CRB1: variants seen among roughly 807,000 people sequenced by gnomAD.
CRB1 encodes the protein crumbs cell polarity complex component 1.
A neutral mutation model predicts 120.0 loss-of-function variants in CRB1; 83 were observed. The observed-to-expected ratio is 0.69, with a 90% CI of 0.58 to 0.83. CRB1 has a LOEUF of 0.83. Among genes scored for constraint, CRB1 ranks in the 40% least tolerant of loss-of-function variants. The pLI is 0.00. For synonymous variants in CRB1, 625 were observed against 612.5 expected, an observed-to-expected ratio of 1.02 and a Z score of -0.30; for missense variants, 1,699 against 1,687.6, an observed-to-expected ratio of 1.01 and a Z score of -0.12.
chr1:197,427,690 A>C lies in CRB1; in HGVS notation c.2365A>C (p.Asn789His), dbSNP rs781053993. Residue 789 changes from asparagine (N) to histidine (H), a missense_variant, in exon 7 of 12, where the codon AAT (asparagine) becomes CAT (histidine). Asn to His is a moderately conservative substitution (Grantham distance 68). Transcript: ENST00000367400. ...SPKLVVKFVLNDGNVHLISLK... is the reference protein window; with the variant it reads ...SPKLVVKFVLHDGNVHLISLK... Reference sequence around the variant, plus strand: ...CAAATTAGTAGTAAAATTTGTTCTTAATGATGGAAATGTCCACTTGATATC... The same window carrying C: ...CAAATTAGTAGTAAAATTTGTTCTTCATGATGGAAATGTCCACTTGATATC... The C allele has an allele frequency of 1.2e-6, 2 of 1,613,884 alleles. No homozygotes were observed. The highest frequency in any genetic ancestry group is 2.2e-5 in the South Asian group (2 of 91,078).
intron 3 of CRB1, among the ~76,000 whole-genome samples, chr1:197,346,535 CA>C (rs1315282400): frequency 2.0e-5 from 3 of 152,152 alleles, no homozygotes; most frequent in East Asian, 3.9e-4. Context: ...TAAAAACACA[CA>C]CAGCCATAGC....
chr1:197,270,083 T>C (rs963476619), intron 1 of CRB1, among the ~76,000 whole-genome samples: 1 of 152,182 alleles, frequency 6.6e-6, no homozygotes, highest in Non-Finnish European at 1.5e-5. Flanking sequence ...TAGCTGAGTT[T>C]TTTTCCCACC....
intron 5 of CRB1, among the ~76,000 whole-genome samples, chr1:197,387,304 T>C (rs1193651232): frequency 1.3e-5 from 2 of 152,102 alleles, no homozygotes; most frequent in South Asian, 2.1e-4. Context: ...AGCTACATTA[T>C]GTTAATAAAG....
At chr1:197,225,577 G>GT in the CRB1 span, among the ~76,000 whole-genome samples, 1 of 152,212 alleles carries the variant, frequency 6.6e-6, no homozygotes, top group African/African-American at 2.4e-5. Context: ...AATGTTAAGT[G>GT]TAAGTGTTGT....
rs531363383 is a variant in CRB1 at position 197,468,715 on chromosome 1, C to T, written c.4006-8949C>T. 1.5e-4 allele frequency among the ~76,000 whole-genome samples: 23 copies of T among 152,238 alleles called. 1 individual carries two copies. The South Asian group carries it at 1.7e-3, about 11-fold the overall frequency. On this transcript the variant is annotated intron_variant, in intron 11 of 11. Transcript: ENST00000367400. ...ATTGAACAACAGCTACACATTCATG[C>T]GCATATGTTATGCCAGGCAGGCCTA...
chr1:197,373,945 A>T (rs983954480), intron 5 of CRB1, among the ~76,000 whole-genome samples: 1 of 152,226 alleles, frequency 6.6e-6, no homozygotes, highest in Admixed American at 6.5e-5. Context: ...TTAGCAAGGC[A>T]CCAATGGTAG....
intron 11 of CRB1, among the ~76,000 whole-genome samples, chr1:197,477,271 C>T (rs779110770): frequency 6.6e-6 from 1 of 152,112 alleles, no homozygotes; most frequent in South Asian, 2.1e-4. Context: ...TTCTTCAGTC[C>T]CAAATTAGAA....
intron 8 of CRB1, among the ~76,000 whole-genome samples, chr1:197,430,879 G>A (rs1013035792): frequency 1.3e-5 from 2 of 151,678 alleles, no homozygotes; most frequent in Non-Finnish European, 2.9e-5. Context: ...AACTGCTGTG[G>A]ACATTAAGTA....
At chr1:197,424,555 G>A (rs1485851120) in intron 6 of CRB1, among the ~76,000 whole-genome samples, 1 of 152,096 alleles carries the variant, frequency 6.6e-6, no homozygotes, top group African/African-American at 2.4e-5. Flanking sequence ...TGTGATGTCT[G>A]TATGTGCTGG....
At chr1:197,317,797 A>T (rs1657942778) in intron 1 of CRB1, among the ~76,000 whole-genome samples, 6 of 152,242 alleles carry the variant, frequency 3.9e-5, no homozygotes, top group Admixed American at 3.9e-4. Flanking sequence ...ATGCACATGC[A>T]GAACAATGAA....
chr1:197,263,207 A>G (rs1654553305), upstream of CRB1, among the ~76,000 whole-genome samples: 1 of 151,986 alleles, frequency 6.6e-6, no homozygotes, highest in Non-Finnish European at 1.5e-5. Flanking sequence ...TTTGACTTAA[A>G]AAAAAATATT....
intron 5 of CRB1, among the ~76,000 whole-genome samples, chr1:197,392,916 A>G (rs1274904937): frequency 6.6e-6 from 1 of 152,108 alleles, no homozygotes; most frequent in Non-Finnish European, 1.5e-5. Context: ...TCAGCTTATA[A>G]ATGCAGGTAG....
rs116631638 is a variant in CRB1 at position 197,323,606 on chromosome 1, G to A, written c.71-4816G>A. Among the ~76,000 whole-genome samples the A allele has an allele frequency of 5.4e-3, 822 of 152,236 alleles. 10 individuals are homozygous for A. Among genetic ancestry groups the A allele is most frequent in the African/African-American group, 0.019 (790 of 41,540 alleles). On this transcript the variant is annotated intron_variant, in intron 1 of 11. Transcript: ENST00000367400. ...AGCTTTAAATAAATGTAATGTCAAA[G>A]GAATATAATTAGTTCCTCATTAAAA... is the stretch of plus-strand genomic sequence containing the variant.
the CRB1 span, among the ~76,000 whole-genome samples, chr1:197,229,437 CTTAA>C: frequency 7.5e-4 from 114 of 152,220 alleles, no homozygotes; most frequent in East Asian, 8.1e-3. Context: ...TTCCCCCAAT[CTTAA>C]TTAATTATTT....
intron 3 of CRB1, 89 bp from the exon 4 acceptor site, chr1:197,347,251 T>C (rs1219328637): frequency 5.0e-6 from 6 of 1,192,612 alleles, no homozygotes; most frequent in Non-Finnish European, 6.3e-6. Context: ...CCATGGGTCT[T>C]GGGTTGATAG....
the CRB1 span, among the ~76,000 whole-genome samples, chr1:197,221,385 AGTCAAGACCCTCTGT>A: frequency 6.6e-6 from 1 of 152,224 alleles, no homozygotes; most frequent in African/African-American, 2.4e-5. Context: ...TCAGTTTTAG[AGTCAAGACCCTCTGT>A]GTTCAAACCA....
chr1:197,246,032 C>T, the CRB1 span, among the ~76,000 whole-genome samples: 1 of 152,050 alleles, frequency 6.6e-6, no homozygotes, highest in Non-Finnish European at 1.5e-5. Context: ...AGGGGTACTT[C>T]ATAACTGTTG....
intron 11 of CRB1, among the ~76,000 whole-genome samples, chr1:197,466,946 G>C (rs1410467901): frequency 6.6e-6 from 1 of 152,182 alleles, no homozygotes; most frequent in Non-Finnish European, 1.5e-5. Context: ...AGGCAGGCAG[G>C]GTCAGGGCCA....
intron 1 of CRB1, among the ~76,000 whole-genome samples, chr1:197,269,087 A>G (rs1654762392): frequency 6.6e-6 from 1 of 152,182 alleles, no homozygotes; most frequent in Non-Finnish European, 1.5e-5. Context: ...AATGTTTCTG[A>G]GATAATCTTG....
Sources: gnomAD v4.1 joint callset for allele counts (sites outside exome capture counted in the v4.1 genomes callset) on GRCh38, gnomAD v4.1.1 for gene constraint, MANE v1.5 for transcripts, NCBI Gene and HGNC (gene_info 2026-07-23, HGNC 2026-07-21) for gene names.